The following MAGI2 variants were observed in gnomAD, a reference collection of about 807,000 sequenced individuals.
MAGI2 encodes membrane-associated guanylate kinase, WW and PDZ domain-containing protein 2.
A neutral mutation model predicts 133.3 loss-of-function variants in MAGI2; 35 were observed. The observed-to-expected ratio is 0.26, with a 90% CI of 0.20 to 0.35. The LOEUF (loss-of-function observed/expected upper bound fraction) is 0.35. MAGI2 is among the 10% of genes least tolerant of loss of function. MAGI2 has a pLI of 1.00. For synonymous variants in MAGI2, 729 were observed against 710.6 expected, an observed-to-expected ratio of 1.03 and a Z score of -0.41; for missense variants, 1,636 against 1,863.4, an observed-to-expected ratio of 0.88 and a Z score of 2.25.
intron 1 of MAGI2, among the ~76,000 whole-genome samples, chr7:79,391,538 G>T (rs199684879): frequency 0.018 from 338 of 18,352 alleles, 2 homozygotes; most frequent in South Asian, 0.083. Flanking sequence ...TATATATATA[G>T]ACATATATAT....
intron 7 of MAGI2, among the ~76,000 whole-genome samples, chr7:78,352,224 C>T (rs564756059): frequency 6.6e-6 from 1 of 152,182 alleles, no homozygotes; most frequent in Non-Finnish European, 1.5e-5. Flanking sequence ...GGCACATAGT[C>T]TAGCAGGGGA....
intron 1 of MAGI2, among the ~76,000 whole-genome samples, chr7:79,303,522 G>T (rs936221813): frequency 6.6e-6 from 1 of 152,064 alleles, no homozygotes; most frequent in African/African-American, 2.4e-5. Context: ...CATAAACCTA[G>T]AAAACATACT....
At chr7:78,574,747 T>C (rs1167595963) in intron 3 of MAGI2, among the ~76,000 whole-genome samples, 1 of 152,236 alleles carries the variant, frequency 6.6e-6, no homozygotes, top group African/African-American at 2.4e-5. Flanking sequence ...AAGTGATAAA[T>C]GTCATTTACA....
intron 1 of MAGI2, among the ~76,000 whole-genome samples, chr7:79,205,157 TAAG>T (rs531879442): frequency 9.8e-4 from 149 of 151,756 alleles, no homozygotes; most frequent in African/African-American, 3.5e-3. Flanking sequence ...CAAATCCACA[TAAG>T]AATACCCCAA....
At chr7:78,805,802 G>T (rs1357842239) in intron 2 of MAGI2, among the ~76,000 whole-genome samples, 1 of 152,124 alleles carries the variant, frequency 6.6e-6, no homozygotes, top group Non-Finnish European at 1.5e-5. Context: ...ATAGGGAACA[G>T]CAGGGAATGG....
At chr7:79,406,198 A>G (rs1178896891) in intron 1 of MAGI2, among the ~76,000 whole-genome samples, 1 of 152,122 alleles carries the variant, frequency 6.6e-6, no homozygotes, top group African/African-American at 2.4e-5. Context: ...TTAAATAAAG[A>G]CAAAGTACAA....
intron 1 of MAGI2, among the ~76,000 whole-genome samples, chr7:79,139,178 C>A (rs964237888): frequency 3.3e-5 from 5 of 152,032 alleles, no homozygotes; most frequent in Non-Finnish European, 1.5e-5. Context: ...TTATTTCAAC[C>A]ACCCAGTCTG....
chr7:78,702,159 A>G lies in MAGI2; in HGVS notation c.419-74920T>C, dbSNP rs144519008. ...GGTATTTCAAAAACATTCACAGTAC[A>G]CATGGTTGGTCTAATGGGAAATACA... On this transcript the variant is annotated intron_variant, in intron 2 of 21. Coordinates refer to ENST00000354212, the MANE Select transcript of MAGI2 (RefSeq NM_012301.4). Among the ~76,000 whole-genome samples the G allele has an allele frequency of 2.4e-4, 37 of 152,116 alleles. 1 individual carries two copies. In the East Asian group the frequency reaches 7.0e-3, roughly 29 times the overall value.
chr7:78,965,199 T>A (rs1017586145), intron 2 of MAGI2, among the ~76,000 whole-genome samples: 7 of 151,616 alleles, frequency 4.6e-5, no homozygotes, highest in Non-Finnish European at 1.0e-4. Context: ...ATCTAATTAA[T>A]GTTATTGTTA....
intron 6 of MAGI2, among the ~76,000 whole-genome samples, chr7:78,472,664 A>G (rs576752301): frequency 2.0e-5 from 3 of 152,270 alleles, no homozygotes; most frequent in Admixed American, 2.0e-4. Context: ...TTCCTCTTAA[A>G]GTGATGTTAT....
intron 20 of MAGI2, among the ~76,000 whole-genome samples, chr7:78,103,075 A>T (rs1444516224): frequency 6.6e-6 from 1 of 152,168 alleles, no homozygotes; most frequent in Non-Finnish European, 1.5e-5. Context: ...TACCTGTTGA[A>T]GTCCCATTAA....
intron 6 of MAGI2, among the ~76,000 whole-genome samples, chr7:78,474,271 G>A (rs941162178): frequency 1.3e-5 from 2 of 151,988 alleles, no homozygotes; most frequent in African/African-American, 4.8e-5. Flanking sequence ...TACAGAATCA[G>A]GTATCTGGTA....
At chr7:78,960,994 C>G (rs971675332) in intron 2 of MAGI2, among the ~76,000 whole-genome samples, 2 of 152,076 alleles carry the variant, frequency 1.3e-5, no homozygotes, top group African/African-American at 4.8e-5. Flanking sequence ...GATAAAATAC[C>G]AGTTCTGATT....
chr7:78,128,798 C>T (rs761996850), intron 18 of MAGI2, among the ~76,000 whole-genome samples: 15 of 152,280 alleles, frequency 9.9e-5, no homozygotes, highest in Non-Finnish European at 1.9e-4. Context: ...TTACTTAACC[C>T]TGCAGAGGAG....
chr7:79,353,598 C>T (rs1042841685), intron 1 of MAGI2: 5 of 413,524 alleles, frequency 1.2e-5, no homozygotes, highest in African/African-American at 2.0e-5. Flanking sequence ...TGGTGATCTT[C>T]CTGCTCTTTC....
chr7:78,674,934 A>G (rs1284544987), intron 2 of MAGI2, among the ~76,000 whole-genome samples: 1 of 152,196 alleles, frequency 6.6e-6, no homozygotes, highest in Non-Finnish European at 1.5e-5. Flanking sequence ...TTAAGAAGAG[A>G]AAGTAAACAT....
intron 6 of MAGI2, among the ~76,000 whole-genome samples, chr7:78,374,540 G>A (rs561626035): frequency 1.3e-5 from 2 of 152,094 alleles, no homozygotes; most frequent in South Asian, 2.1e-4. Flanking sequence ...CTTTTGCTGT[G>A]CAGAAGCTCT....
At chr7:79,114,341 A>T (rs1819207407) in intron 1 of MAGI2, among the ~76,000 whole-genome samples, 2 of 152,208 alleles carry the variant, frequency 1.3e-5, no homozygotes. Flanking sequence ...CCAAAATACC[A>T]GCTGAATGTT....
At chr7:78,250,910 C>A (rs1035873780) in intron 10 of MAGI2, among the ~76,000 whole-genome samples, 2 of 151,892 alleles carry the variant, frequency 1.3e-5, no homozygotes, top group African/African-American at 2.4e-5. Flanking sequence ...ATCCTGACAC[C>A]AAAGCCAGAG....
Sources: gnomAD v4.1 joint callset for allele counts (sites outside exome capture counted in the v4.1 genomes callset) on GRCh38, gnomAD v4.1.1 for gene constraint, MANE v1.5 for transcripts, NCBI Gene and HGNC (gene_info 2026-07-23, HGNC 2026-07-21) for gene names.